The following FAR2 variants were observed in gnomAD, a reference collection of about 807,000 sequenced individuals.
The protein encoded by FAR2 is fatty acyl-CoA reductase 2.
FAR2 carries 19 observed loss-of-function variants against 56.0 expected under a neutral mutation model. That is an observed-to-expected ratio of 0.34 (90% CI 0.24 to 0.50). FAR2 has a LOEUF of 0.50. Among genes scored for constraint, FAR2 ranks in the 20% least tolerant of loss-of-function variants. The pLI is 0.98. For synonymous variants in FAR2, 219 were observed against 218.8 expected (o/e 1.00, Z -0.01); for missense variants, 508 against 642.2 (o/e 0.79, Z 2.26).
At chr12:29,251,050 T>C (rs751830474) in intron 1 of FAR2, among the ~76,000 whole-genome samples, 22 of 152,200 alleles carry the variant, frequency 1.4e-4, no homozygotes, top group Non-Finnish European at 7.3e-5. Flanking sequence ...AGAGTCTGAC[T>C]TGAAGAGACC....
At chr12:29,305,428 G>T (rs558025142) in intron 4 of FAR2, among the ~76,000 whole-genome samples, 1 of 152,066 alleles carries the variant, frequency 6.6e-6, no homozygotes, top group African/African-American at 2.4e-5. Flanking sequence ...TTGAGTCACC[G>T]CACTTGGCCA....
chr12:29,188,907 G>A (rs1199736892), intron 1 of FAR2, among the ~76,000 whole-genome samples: 1 of 151,994 alleles, frequency 6.6e-6, no homozygotes, highest in African/African-American at 2.4e-5. Context: ...TGTTTTGAAA[G>A]ACTACCCTAG....
At chr12:29,170,458 C>T (rs577083849) in intron 1 of FAR2, among the ~76,000 whole-genome samples, 10 of 152,338 alleles carry the variant, frequency 6.6e-5, no homozygotes, top group Non-Finnish European at 1.0e-4. Flanking sequence ...TGGAGTACCA[C>T]GGAGAAGACC....
At chr12:29,152,482 G>A (rs1301155346) in intron 1 of FAR2, among the ~76,000 whole-genome samples, 1 of 152,156 alleles carries the variant, frequency 6.6e-6, no homozygotes, top group Non-Finnish European at 1.5e-5. Context: ...TATTCCAGCT[G>A]TCCTTGTTAG....
intron 1 of FAR2, among the ~76,000 whole-genome samples, chr12:29,253,288 T>TCTAG (rs1948256765): frequency 1.3e-5 from 2 of 149,434 alleles, no homozygotes; most frequent in African/African-American, 2.5e-5. Flanking sequence ...TCGATATCTA[T>TCTAG]ATCTATCTAG....
chr12:29,294,751 T>A (rs922627519), intron 3 of FAR2, among the ~76,000 whole-genome samples: 1 of 152,222 alleles, frequency 6.6e-6, no homozygotes, highest in Non-Finnish European at 1.5e-5. Flanking sequence ...TCTCCTAGTA[T>A]TTTTATGGTT....
rs115987829 is a variant in FAR2 at position 29,222,936 on chromosome 12, T to C, written c.-38-47476T>C. 8.4e-3 allele frequency among the ~76,000 whole-genome samples: 1,274 copies of C among 152,306 alleles called. 18 individuals are homozygous for C. The highest frequency in any genetic ancestry group is 0.029 in the African/African-American group (1,214 of 41,566). On this transcript the variant is annotated intron_variant, in intron 1 of 11. Transcript: ENST00000536681. ...TAAGAACAAAATTATCTAGCAGAAT[T>C]GCACACACACTGACAATTTGGTCCA...
intron 1 of FAR2, among the ~76,000 whole-genome samples, chr12:29,257,815 T>A (rs898686285): frequency 6.6e-6 from 1 of 152,054 alleles, no homozygotes; most frequent in African/African-American, 2.4e-5. Context: ...CTTTAAGAAC[T>A]GTAACACTCA....
chr12:29,298,413 C>T (rs1440305678), intron 4 of FAR2, among the ~76,000 whole-genome samples: 6 of 151,532 alleles, frequency 4.0e-5, no homozygotes, highest in Admixed American at 3.9e-4. Context: ...AATATATACT[C>T]TTTAAAAAGT....
intron 1 of FAR2, among the ~76,000 whole-genome samples, chr12:29,176,343 T>C (rs1433181450): frequency 6.6e-6 from 1 of 152,246 alleles, no homozygotes; most frequent in Non-Finnish European, 1.5e-5. Flanking sequence ...TGGCCTGTCA[T>C]GAAGCTCTGT....
Position 29,270,428 on chromosome 12 carries a change from C to T in FAR2, c.-22C>T. 3 of 1,513,742 alleles carry T rather than the reference C, an allele frequency of 2.0e-6. No homozygotes were observed. The highest frequency in any genetic ancestry group is 2.7e-6 in the Non-Finnish European group (3 of 1,118,998). The allele number at this position is 1,513,742 out of a possible 1,614,324, so 93.8% of individuals were successfully genotyped here. On this transcript the variant is annotated 5_prime_UTR_variant, in exon 2 of 12. Transcript: ENST00000536681. ...CCTTTTCAGGAACCTCTTTCAGGAG[C>T]TATAAAAGAAAGGGAGGAATCATGT... is the stretch of plus-strand genomic sequence containing the variant.
At chr12:29,194,521 CCA>C (rs3222956) in intron 1 of FAR2, among the ~76,000 whole-genome samples, 24,125 of 140,690 alleles carry the variant, frequency 0.17, 2,037 homozygotes, top group South Asian at 0.28. Flanking sequence ...GCTAGTGATG[CCA>C]CACACACACA....
intron 1 of FAR2, among the ~76,000 whole-genome samples, chr12:29,235,839 A>G (rs4931170): frequency 0.3 from 46,165 of 152,076 alleles, 8,879 homozygotes; most frequent in Admixed American, 0.46. Flanking sequence ...GGTCACTACC[A>G]TATTGCTTTT....
chr12:29,267,518 T>C (rs1948538672), intron 1 of FAR2, among the ~76,000 whole-genome samples: 1 of 152,210 alleles, frequency 6.6e-6, no homozygotes, highest in South Asian at 2.1e-4. Context: ...TGCTTAGAAC[T>C]TGAATGCTAA....
chr12:29,239,496 G>A lies in FAR2; in HGVS notation c.-38-30916G>A, dbSNP rs546262586. Among the ~76,000 whole-genome samples, 3 of 146,222 alleles carry A rather than the reference G, an allele frequency of 2.1e-5. 1 individual carries two copies. The highest frequency in any genetic ancestry group is 2.0e-4 in the East Asian group (1 of 4,984). ...TGTGTGTGTGTGTATAAAACTTTGT[G>A]TCCTTTTACTCAAAGTTAAAAATTT... is the stretch of plus-strand genomic sequence containing the variant. On this transcript the variant is annotated intron_variant, in intron 1 of 11. Transcript: ENST00000536681.
At chr12:29,227,040 A>G (rs1246141532) in intron 1 of FAR2, among the ~76,000 whole-genome samples, 3 of 152,212 alleles carry the variant, frequency 2.0e-5, no homozygotes, top group Admixed American at 2.0e-4. Flanking sequence ...TAGAAAATAA[A>G]ATGTAAAACA....
At chr12:29,281,742 TAAA>T (rs71042976) in intron 2 of FAR2, among the ~76,000 whole-genome samples, 15,188 of 143,430 alleles carry the variant, frequency 0.11, 2,343 homozygotes, top group African/African-American at 0.34. Flanking sequence ...CAACATCACC[TAAA>T]AAAAAAAAAA....
intron 9 of FAR2, among the ~76,000 whole-genome samples, chr12:29,320,438 T>G (rs1454070844): frequency 6.6e-6 from 1 of 152,200 alleles, no homozygotes; most frequent in Non-Finnish European, 1.5e-5. Context: ...TCAGGCACAA[T>G]GATGTCTACC....
chr12:29,306,350 T>G (rs574909511), intron 4 of FAR2, among the ~76,000 whole-genome samples: 1 of 152,290 alleles, frequency 6.6e-6, no homozygotes, highest in South Asian at 2.1e-4. Context: ...GTGGAAACAT[T>G]ATAGTCGATG....
Sources: allele counts gnomAD v4.1 joint callset (sites outside exome capture counted in the v4.1 genomes callset), GRCh38; gene constraint gnomAD v4.1.1; transcripts MANE v1.5; gene names NCBI Gene and HGNC (gene_info 2026-07-23, HGNC 2026-07-21).